The following C1orf35 variants were observed in gnomAD, a reference collection of about 807,000 sequenced individuals.
C1orf35 encodes the protein chromosome 1 open reading frame 35.
Under a neutral mutation model 30.9 loss-of-function variants are expected in C1orf35, and 36 were observed. The ratio of observed to expected loss-of-function variants is 1.16; its 90% CI spans 0.89 to 1.54. The LOEUF is 1.54. Ranked by LOEUF, C1orf35 falls within the 40% of genes most tolerant of loss-of-function variation. The probability of loss-of-function intolerance (pLI) is 0.00; values close to 1 mark genes in which losing one functional copy is unlikely to be tolerated. For missense variants in C1orf35, 396 were observed against 358.7 expected, an observed-to-expected ratio of 1.10 and a Z score of -0.84; for synonymous variants, 179 against 148.2, an observed-to-expected ratio of 1.21 and a Z score of -1.51.
chr1:228,101,030 C>T lies in C1orf35; in HGVS notation c.*101G>A. On this transcript the variant is annotated 3_prime_UTR_variant, in exon 8 of 8. Transcript: ENST00000272139. ...CCCAGAGCCACTTCCACAGGAGCAG[C>T]CTCGGGCTTCACCCACACCCAAGGA... 1 of 1,542,858 alleles carries T rather than the reference C, an allele frequency of 6.5e-7. No homozygotes were observed. Among genetic ancestry groups the T allele is most frequent in the East Asian group, 2.3e-5 (1 of 44,364 alleles).
rs756796510 is a variant in C1orf35, at chr1:228,101,250, TG to T, written c.672del (p.Arg225GlyfsTer52). The T allele has an allele frequency of 1.2e-6, 2 of 1,614,094 alleles. No homozygotes were observed. Among genetic ancestry groups the T allele is most frequent in the Non-Finnish European group, 1.7e-6 (2 of 1,180,012 alleles). ...GAGTCGGAGTCATGGTGGTGGTGCC[TG>T]GGCCTGGGGAGACCAATGGCAGTCA... ...ATSSPTSPERPRHHHHDSDSN... is the reference protein window; with the variant it reads ...ATSSPTSPERXRHHHHDSDSN... On this transcript the variant is annotated frameshift_variant, in exon 8 of 8. Coordinates refer to ENST00000272139, the MANE Select transcript of C1orf35 (RefSeq NM_024319.4). LOFTEE classifies it low-confidence loss of function (END_TRUNC).
intron 1 of C1orf35, 30 bp downstream of exon 1, chr1:228,103,090 TCCCGGAGCCCGGAG>T (rs3831021): frequency 4.0e-5 from 65 of 1,607,064 alleles, no homozygotes; most frequent in African/African-American, 8.1e-5. Context: ...CCGCCCGGGA[TCCCGGAGCCCGGAG>T]CCCGGAGCCC....
At position 228,102,530 on chromosome 1, in the gene C1orf35, C is replaced by G. The variant is rs767426726; in HGVS notation, c.322G>C (p.Gly108Arg). The change falls in exon 4 of 8, where the codon GGC becomes CGC. Residue 108 changes from glycine to arginine, a missense_variant. By Grantham distance (125) the Gly-to-Arg change is moderately radical. Coordinates refer to ENST00000272139, the MANE Select transcript of C1orf35 (RefSeq NM_024319.4). Reference sequence around the variant, plus strand: ...TCCACGCCCTTCTCCTCGGGGTCGCCTCCTTCCCGCTTGCAGACCTCCGCG... The same window carrying G: ...TCCACGCCCTTCTCCTCGGGGTCGCGTCCTTCCCGCTTGCAGACCTCCGCG... Reference protein sequence around the residue: ...DFAEVCKREGGDPEEKGVDRL... With the variant: ...DFAEVCKREGRDPEEKGVDRL... 6.4e-7 allele frequency: 1 copy of G among 1,557,672 alleles called. No individual in the cohort carries two copies. The highest frequency in any genetic ancestry group is 8.7e-7 in the Non-Finnish European group (1 of 1,154,618).
In C1orf35 at chr1:228,101,401, C is replaced by A; in HGVS notation, c.606G>T (p.Lys202Asn). ...KKKRKHKKEK[K>N]KKDKEHRRPA... Reference sequence around the variant, plus strand: ...GCCGCCTGTGCTCTTTGTCTTTCTTCTTCTTCTCTTTCTTGTGTTTCCTCT... The same window carrying A: ...GCCGCCTGTGCTCTTTGTCTTTCTTATTCTTCTCTTTCTTGTGTTTCCTCT... Residue 202 changes from lysine to asparagine, a missense_variant, in exon 7 of 8, where the codon AAG becomes AAT. Physicochemically the swap from Lys to Asn is moderately conservative, Grantham distance 94. Transcript: ENST00000272139. 3.7e-6 allele frequency: 6 copies of A among 1,613,980 alleles called. No homozygotes were observed. The highest frequency in any genetic ancestry group is 5.1e-6 in the Non-Finnish European group (6 of 1,179,980).
In C1orf35 at chr1:228,102,611, C is replaced by A. The variant is rs768965232; in HGVS notation, c.291+32G>T. The A allele has an allele frequency of 9.1e-5, 144 of 1,587,538 alleles. 1 individual carries two copies. In the East Asian group the frequency reaches 3.1e-3, roughly 35 times the overall value. ...GCTCGAGTCGGCCCCACACCCACGG[C>A]CCTCCACGCGCCCCCCACCCCGGGG... is the stretch of plus-strand genomic sequence containing the variant. On this transcript the variant is annotated intron_variant, in intron 3 of 7. Coordinates refer to ENST00000272139, the MANE Select transcript of C1orf35 (RefSeq NM_024319.4).
In C1orf35 at chr1:228,102,895, T is replaced by C. The variant is rs754394326; in HGVS notation, c.245+4A>G. On this transcript the variant is annotated splice_donor_region_variant and intron_variant, in intron 2 of 7. Coordinates refer to ENST00000272139, the MANE Select transcript of C1orf35 (RefSeq NM_024319.4). Reference sequence around the variant, plus strand: ...ACCGACCGCTGCCGTCCGCGGACACTCACAGGGCGGCCAGCAGCGCCTCGC... The same window carrying C: ...ACCGACCGCTGCCGTCCGCGGACACCCACAGGGCGGCCAGCAGCGCCTCGC... 3 of 1,443,756 alleles carry C rather than the reference T, an allele frequency of 2.1e-6. No individual in the cohort carries two copies. In the South Asian group the frequency reaches 4.1e-5, roughly 20 times the overall value. The allele number at this position is 1,443,756 out of a possible 1,614,324, so 89.4% of individuals were successfully genotyped here. A position where few individuals can be genotyped will look rare whatever the true frequency, so the allele number is the denominator to read the frequency against.
intron 6 of C1orf35, 159 bp from the exon 7 acceptor site, chr1:228,101,632 G>A: frequency 2.7e-6 from 4 of 1,476,536 alleles, no homozygotes; most frequent in Middle Eastern, 2.4e-4. Flanking sequence ...GTAGTCACGT[G>A]GCCAGTGGCT....
At position 228,103,304 on chromosome 1, in the gene C1orf35, C is replaced by A. The variant is rs1286580434; in HGVS notation, c.-77G>T. 7 of 1,533,022 alleles carry A rather than the reference C, an allele frequency of 4.6e-6. No individual in the cohort carries two copies. The highest frequency in any genetic ancestry group is 1.9e-5 in the Admixed American group (1 of 52,498). 95.0% of individuals were successfully genotyped at this position (1,533,022 alleles called of 1,614,324 possible). On this transcript the variant is annotated 5_prime_UTR_variant, in exon 1 of 8. Transcript: ENST00000272139. ...CAACCCGAGACCCGCTACCCACTAC[C>A]GTCGGACCCAGGCCCGACCCCGCCT...
At position 228,103,272 on chromosome 1, in the gene C1orf35, C is replaced by G; in HGVS notation, c.-45G>C. 1 of 1,593,432 alleles carries G rather than the reference C, an allele frequency of 6.3e-7. No individual in the cohort carries two copies. On this transcript the variant is annotated 5_prime_UTR_variant, in exon 1 of 8. Coordinates refer to ENST00000272139, the MANE Select transcript of C1orf35 (RefSeq NM_024319.4). ...CCTGGGGCCTGCGGCTTGCAACCTG[C>G]AACCCGCAACCCGAGACCCGCTACC...
rs1381518347 is a variant in C1orf35, at chr1:228,102,992, T to C, written c.152A>G (p.Tyr51Cys). ...RWQKGRDLTWYAKGRAPCAGP... is the reference protein window; with the variant it reads ...RWQKGRDLTWCAKGRAPCAGP... ...CGCGCATGGCGCCCGGCCCTTGGCG[T>C]ACCAGGTGAGGTCGCGGCCCTTCTG... is the stretch of plus-strand genomic sequence containing the variant. The change falls in exon 2 of 8, where the codon TAC becomes TGC. Residue 51 changes from tyrosine to cysteine, a missense_variant. Transcript: ENST00000272139. The C allele has an allele frequency of 4.5e-6, 7 of 1,550,526 alleles. No homozygotes were observed. Among genetic ancestry groups the C allele is most frequent in the East Asian group, 2.4e-5 (1 of 41,008 alleles).
chr1:228,101,813 G>A, intron 6 of C1orf35: 2 of 1,413,222 alleles, frequency 1.4e-6, no homozygotes, highest in Non-Finnish European at 1.8e-6. Flanking sequence ...ACCCACGGCA[G>A]GAAAAGGCCC....
At chr1:228,102,438 T>A in intron 4 of C1orf35, 40 bp downstream of exon 4, 2 of 1,577,120 alleles carry the variant, frequency 1.3e-6, no homozygotes, top group Admixed American at 1.8e-5. Flanking sequence ...ACCCGAGCAA[T>A]CGAGCCCAGT....
chr1:228,101,386 C>T lies in C1orf35; in HGVS notation c.621G>A (p.Glu207=), dbSNP rs140017352. The T allele has an allele frequency of 9.9e-6, 16 of 1,613,938 alleles. No homozygotes were observed. In the African/African-American group the frequency reaches 1.2e-4, roughly 12 times the overall value. The change falls in exon 7 of 8, where the codon GAG becomes GAA. Residue 207 remains glutamate, a synonymous_variant. Coordinates refer to ENST00000272139, the MANE Select transcript of C1orf35 (RefSeq NM_024319.4). ...HKKEKKKKDK[E]HRRPAEATSS... ...AGGTGGCCTCAGCTGGCCGCCTGTG[C>T]TCTTTGTCTTTCTTCTTCTTCTCTT...
rs759481321 is a variant in C1orf35, at chr1:228,101,202, T to G, written c.721A>C (p.Arg241=). 8.1e-6 allele frequency: 13 copies of G among 1,614,150 alleles called. No individual in the cohort carries two copies. Among genetic ancestry groups the G allele is most frequent in the Non-Finnish European group, 1.1e-5 (13 of 1,180,018 alleles). The change falls in exon 8 of 8, where the codon AGG becomes CGG. Residue 241 remains arginine (R), a synonymous_variant. Coordinates refer to ENST00000272139, the MANE Select transcript of C1orf35 (RefSeq NM_024319.4). ...CTGTCCCCACTGTGTCCCCGCTTCC[T>G]CCTCTTACAGCAGGGGGAGTTGGAG... ...SDSNSPCCKR[R]KRGHSGDRRS...
Position 228,102,089 on chromosome 1 carries a change from G to A in C1orf35, c.524C>T (p.Thr175Met), listed in dbSNP as rs1415349891. Residue 175 changes from threonine (T) to methionine (M), a missense_variant, in exon 6 of 8, where the codon ACG becomes ATG. Physicochemically the swap from Thr to Met is moderately conservative, Grantham distance 81. Coordinates refer to ENST00000272139, the MANE Select transcript of C1orf35 (RefSeq NM_024319.4). The stretch of plus-strand genomic sequence containing the variant: ...GGTGGCACAGCCTCACCTGCTTTCC[G>A]TCTGATCCTCCGCCCGCGGCTTCCT... ...ARRKPRAEDQ[T>M]ESSCESHRKS... 3.2e-6 allele frequency: 5 copies of A among 1,580,528 alleles called. No homozygotes were observed. Among genetic ancestry groups the A allele is most frequent in the South Asian group, 1.1e-5 (1 of 87,876 alleles).
At chr1:228,101,619 T>G (rs1388653864) in intron 6 of C1orf35, 146 bp from the exon 7 acceptor site, 1 of 1,495,436 alleles carries the variant, frequency 6.7e-7, no homozygotes, top group Non-Finnish European at 8.9e-7. Flanking sequence ...ACTCCTCAGT[T>G]ACGTAGTCAC....
intron 2 of C1orf35, 102 bp downstream of exon 2, chr1:228,102,797 C>G: frequency 7.1e-7 from 1 of 1,406,682 alleles, no homozygotes; most frequent in South Asian, 1.5e-5. Flanking sequence ...GTCCCCGCAG[C>G]CCCGCTCCCG....
rs767426726 is a variant in C1orf35 at position 228,102,530 on chromosome 1, C to T, written c.322G>A (p.Gly108Ser). Residue 108 changes from glycine (G) to serine (S), a missense_variant, in exon 4 of 8, where the codon GGC (glycine) becomes AGC (serine). Coordinates refer to ENST00000272139, the MANE Select transcript of C1orf35 (RefSeq NM_024319.4). ...DFAEVCKREGGDPEEKGVDRL... is the reference protein window; with the variant it reads ...DFAEVCKREGSDPEEKGVDRL... The stretch of plus-strand genomic sequence containing the variant: ...TCCACGCCCTTCTCCTCGGGGTCGC[C>T]TCCTTCCCGCTTGCAGACCTCCGCG... The T allele has an allele frequency of 1.7e-5, 26 of 1,557,788 alleles. No homozygotes were observed. Among genetic ancestry groups the T allele is most frequent in the Non-Finnish European group, 2.2e-5 (25 of 1,154,610 alleles).
In C1orf35 at chr1:228,103,281, A is replaced by T; in HGVS notation, c.-54T>A. 1.3e-6 allele frequency: 2 copies of T among 1,582,326 alleles called. No homozygotes were observed. Among genetic ancestry groups the T allele is most frequent in the African/African-American group, 1.4e-5 (1 of 73,810 alleles). On this transcript the variant is annotated 5_prime_UTR_variant, in exon 1 of 8. It adds an upstream start codon to the 5' untranslated region. Transcript: ENST00000272139. ...TGCGGCTTGCAACCTGCAACCCGCA[A>T]CCCGAGACCCGCTACCCACTACCGT...
Sources: gnomAD v4.1 joint callset for allele counts on GRCh38, gnomAD v4.1.1 for gene constraint, MANE v1.5 for transcripts, NCBI Gene and HGNC (gene_info 2026-07-23, HGNC 2026-07-21) for gene names.